The following YY1AP1 variants were observed in gnomAD, a reference collection of about 807,000 sequenced individuals.
The protein encoded by YY1AP1 is YY1 associated protein 1, also known as YY1-associated protein 1.
YY1AP1 carries 43 observed loss-of-function variants against 39.9 expected under a neutral mutation model. The observed-to-expected ratio is 1.08, with a 90% CI of 0.84 to 1.39. The LOEUF (loss-of-function observed/expected upper bound fraction) is 1.39, where lower values mean the gene tolerates loss of function less well. Among genes scored for constraint, YY1AP1 ranks in the 40% most tolerant of loss-of-function variants. YY1AP1 has a pLI of 0.00. For synonymous variants in YY1AP1, 292 were observed against 331.3 expected, an observed-to-expected ratio of 0.88 and a Z score of 1.29; for missense variants, 813 against 900.7, an observed-to-expected ratio of 0.90 and a Z score of 1.25.
chr1:155,677,640 T>A (rs377158422), intron 4 of YY1AP1, among the ~76,000 whole-genome samples: 1 of 152,200 alleles, frequency 6.6e-6, no homozygotes, highest in Non-Finnish European at 1.5e-5. Flanking sequence ...AGATAAAGAT[T>A]ACGTTTGAAT....
rs1651541890 is a variant in YY1AP1, at chr1:155,681,662, T to C, written c.-20-1206A>G. Among the ~76,000 whole-genome samples, 2 of 152,058 alleles carry C rather than the reference T, an allele frequency of 1.3e-5. 1 individual carries two copies. The highest frequency in any genetic ancestry group is 1.3e-4 in the Admixed American group (2 of 15,258). Reference sequence around the variant, plus strand: ...GGACTCTATCTTTGGACCCGACCTATTCAAAAACTCCATCAGTGAATTAGA... The same window carrying C: ...GGACTCTATCTTTGGACCCGACCTACTCAAAAACTCCATCAGTGAATTAGA... On this transcript the variant is annotated intron_variant, in intron 2 of 10. Transcript: ENST00000355499.
intron 2 of YY1AP1, among the ~76,000 whole-genome samples, chr1:155,683,072 G>A (rs1043323769): frequency 5.9e-5 from 9 of 151,630 alleles, no homozygotes; most frequent in African/African-American, 1.7e-4. Flanking sequence ...GGCGACAAGA[G>A]CGAAACTCCA....
intron 2 of YY1AP1, among the ~76,000 whole-genome samples, chr1:155,681,842 ATTT>A (rs57371049): frequency 0.078 from 10,756 of 137,608 alleles, 1,404 homozygotes; most frequent in African/African-American, 0.27. Context: ...TACATTGAGG[ATTT>A]TTTTTTTTTT....
Position 155,660,930 on chromosome 1 carries a change from C to T in YY1AP1, c.997-17G>A, listed in dbSNP as rs1247424334. 24 of 1,613,870 alleles carry T rather than the reference C, an allele frequency of 1.5e-5. No homozygotes were observed. The highest frequency in any genetic ancestry group is 1.9e-5 in the Non-Finnish European group (22 of 1,180,052). Reference sequence around the variant, plus strand: ...CAGACTGGCCTATTGGAAATGAGAACACTCTGATCCAGCACATGTCAGAAT... The same window carrying T: ...CAGACTGGCCTATTGGAAATGAGAATACTCTGATCCAGCACATGTCAGAAT... On this transcript the variant is annotated splice_polypyrimidine_tract_variant and intron_variant, in intron 10 of 10. Coordinates refer to ENST00000355499, the MANE Select transcript of YY1AP1 (RefSeq NM_139119.3).
intron 5 of YY1AP1, among the ~76,000 whole-genome samples, chr1:155,675,860 A>G (rs1650575620): frequency 6.6e-6 from 1 of 152,234 alleles, no homozygotes; most frequent in African/African-American, 2.4e-5. Flanking sequence ...AATTTCTCAG[A>G]CATGTTCCCT....
At chr1:155,685,869 G>A (rs530565134) in intron 2 of YY1AP1, among the ~76,000 whole-genome samples, 6 of 152,062 alleles carry the variant, frequency 3.9e-5, no homozygotes, top group African/African-American at 1.4e-4. Context: ...ATTCTCTGAA[G>A]GATAAGTGAC....
intron 2 of YY1AP1, among the ~76,000 whole-genome samples, chr1:155,681,984 A>G (rs1651591145): frequency 6.6e-6 from 1 of 151,886 alleles, no homozygotes; most frequent in Non-Finnish European, 1.5e-5. Flanking sequence ...CCCACCTGGC[A>G]AGATCTTATA....
chr1:155,669,006 G>A (rs2149040109), intron 8 of YY1AP1, among the ~76,000 whole-genome samples: 1 of 152,260 alleles, frequency 6.6e-6, no homozygotes, highest in Middle Eastern at 3.4e-3. Flanking sequence ...TGAGATTACA[G>A]GCATGAGCCC....
chr1:155,661,132 T>C (rs2149021401), intron 10 of YY1AP1, 175 bp downstream of exon 10: 2 of 1,533,886 alleles, frequency 1.3e-6, no homozygotes, highest in South Asian at 1.2e-5. Context: ...TTTGAAAATG[T>C]TGTAGAATCA....
chr1:155,665,820 A>T (rs1293812994), intron 9 of YY1AP1, among the ~76,000 whole-genome samples: 1 of 151,410 alleles, frequency 6.6e-6, no homozygotes, highest in Admixed American at 6.6e-5. Context: ...GTAATGCAAA[A>T]GCAAAGATGT....
rs575459217 is a variant in YY1AP1 at position 155,687,609 on chromosome 1, T to A, written c.-21+462A>T. ...CCATGTACAAACTAACCAGTGACAT[T>A]TATTAAACGTACAACACTGAGATCA... On this transcript the variant is annotated intron_variant, in intron 2 of 10. Transcript: ENST00000355499. 3.5e-5 allele frequency among the ~76,000 whole-genome samples: 5 copies of A among 144,576 alleles called. No individual in the cohort carries two copies. In the East Asian group the frequency reaches 9.7e-4, roughly 28 times the overall value. The allele number at this position is 144,576 out of a possible 152,430, so 94.8% of individuals were successfully genotyped here.
chr1:155,677,101 G>T (rs1029295746), intron 4 of YY1AP1, among the ~76,000 whole-genome samples: 2 of 152,050 alleles, frequency 1.3e-5, no homozygotes, highest in Non-Finnish European at 2.9e-5. Flanking sequence ...CTCATTACTT[G>T]TTACTCCCTG....
rs1474574507 is a variant in YY1AP1 at position 155,688,112 on chromosome 1, G to A, written c.-62C>T. On this transcript the variant is annotated 5_prime_UTR_variant, in exon 2 of 11. Transcript: ENST00000355499. ...AGCGATGAGAGTACAGGGAAGTGAG[G>A]AAGAGGGGGTGGCCGCCAGGCTCCT... The A allele has an allele frequency of 3.1e-6, 5 of 1,610,756 alleles. No homozygotes were observed. Among genetic ancestry groups the A allele is most frequent in the East Asian group, 2.2e-5 (1 of 44,834 alleles).
chr1:155,666,562 C>T (rs753984856), intron 9 of YY1AP1, among the ~76,000 whole-genome samples: 32 of 152,114 alleles, frequency 2.1e-4, no homozygotes, highest in East Asian at 3.9e-4. Context: ...GGTAAATCTT[C>T]GGCTTCCGTG....
intron 3 of YY1AP1, chr1:155,679,811 G>A: frequency 1.6e-6 from 2 of 1,229,908 alleles, no homozygotes; most frequent in Non-Finnish European, 2.1e-6. Flanking sequence ...TTATGGAAAA[G>A]GTAATTATTT....
intron 3 of YY1AP1, 90 bp from the exon 4 acceptor site, chr1:155,679,602 A>ATATACTAT: frequency 6.3e-7 from 1 of 1,596,730 alleles, no homozygotes; most frequent in Non-Finnish European, 8.5e-7. Context: ...AACTATAAAC[A>ATATACTAT]ATACTTTAAT....
At chr1:155,661,203 A>G (rs769577701) in intron 10 of YY1AP1, 104 bp downstream of exon 10, 7 of 1,612,666 alleles carry the variant, frequency 4.3e-6, no homozygotes, top group Non-Finnish European at 4.2e-6. Context: ...CTGAAGTCCT[A>G]GTTCTACAAC....
intron 4 of YY1AP1, 111 bp downstream of exon 4, chr1:155,679,298 C>T: frequency 6.4e-7 from 1 of 1,556,906 alleles, no homozygotes. Context: ...ATCCTTACAT[C>T]AGTAACAGAA....
rs572787452 is a variant in YY1AP1 at position 155,681,325 on chromosome 1, C to T, written c.-20-869G>A. ...GATTACAGGCATGAGCCACCATGAC[C>T]AGCCCAATGATTTTATAATTAGATG... is the stretch of plus-strand genomic sequence containing the variant. On this transcript the variant is annotated intron_variant, in intron 2 of 10. Coordinates refer to ENST00000355499, the MANE Select transcript of YY1AP1 (RefSeq NM_139119.3). Among the ~76,000 whole-genome samples, 389 of 152,118 alleles carry T rather than the reference C, an allele frequency of 2.6e-3. 1 individual carries two copies. The highest frequency in any genetic ancestry group is 2.3e-3 in the Non-Finnish European group (157 of 67,990).
Sources: gnomAD v4.1 joint callset for allele counts (sites outside exome capture counted in the v4.1 genomes callset) on GRCh38, gnomAD v4.1.1 for gene constraint, MANE v1.5 for transcripts, NCBI Gene and HGNC (gene_info 2026-07-23, HGNC 2026-07-21) for gene names.